Variants in MTUS1 observed in about 807,000 individuals in gnomAD.
MTUS1 encodes the protein microtubule-associated tumor suppressor 1.
A neutral mutation model predicts 120.8 loss-of-function variants in MTUS1; 109 were observed. The ratio of observed to expected loss-of-function variants is 0.90; its 90% CI spans 0.77 to 1.06. The LOEUF is 1.06. Among genes scored for constraint, MTUS1 ranks in the 50% least tolerant of loss-of-function variants. MTUS1 has a pLI of 0.00. For synonymous variants in MTUS1, 737 were observed against 550.5 expected (o/e 1.34, Z -4.74); for missense variants, 2,210 against 1,486.3 (o/e 1.49, Z -8.01).
rs1441729034 is a variant in MTUS1 at position 17,794,066 on chromosome 8, G to A, written c.-155+6995C>T. 8.5e-5 allele frequency among the ~76,000 whole-genome samples: 13 copies of A among 152,082 alleles called. No individual in the cohort carries two copies. In the East Asian group the frequency reaches 9.7e-4, roughly 11 times the overall value. On this transcript the variant is annotated intron_variant, in intron 1 of 14. Coordinates refer to ENST00000693296, the MANE Select transcript of MTUS1 (RefSeq NM_001363059.2). Reference sequence around the variant, plus strand: ...ACACAGGCCGGGCACAGTGGCTCACGTCTGTAGTCCCAGCACTTTGGGAGG... The same window carrying A: ...ACACAGGCCGGGCACAGTGGCTCACATCTGTAGTCCCAGCACTTTGGGAGG...
intron 14 of MTUS1, among the ~76,000 whole-genome samples, chr8:17,646,509 GC>G (rs1166062097): frequency 6.6e-6 from 1 of 152,138 alleles, no homozygotes; most frequent in Non-Finnish European, 1.5e-5. Context: ...GACTGCTCGA[GC>G]CTAGGAGGTG....
At chr8:17,670,762 A>G (rs7001283) in intron 8 of MTUS1, among the ~76,000 whole-genome samples, 6,214 of 152,034 alleles carry the variant, frequency 0.041, 422 homozygotes, top group African/African-American at 0.14. Context: ...GGCAGAGGTC[A>G]CAGTGAGCCG....
At chr8:17,762,109 G>C (rs757429100) in intron 1 of MTUS1, among the ~76,000 whole-genome samples, 1 of 152,008 alleles carries the variant, frequency 6.6e-6, no homozygotes, top group Non-Finnish European at 1.5e-5. Flanking sequence ...GTGAAACCCC[G>C]TCTCTACTAA....
chr8:17,667,898 G>C (rs565500380), intron 8 of MTUS1, among the ~76,000 whole-genome samples: 3 of 152,118 alleles, frequency 2.0e-5, no homozygotes, highest in African/African-American at 7.2e-5. Context: ...CCAAACACAC[G>C]ATGTTGTTAT....
At chr8:17,757,045 C>G (rs1018534233) in intron 1 of MTUS1, among the ~76,000 whole-genome samples, 17 of 152,260 alleles carry the variant, frequency 1.1e-4, no homozygotes, top group African/African-American at 4.1e-4. Context: ...TAAGAATCTA[C>G]TGAAGAAAAT....
intron 6 of MTUS1, among the ~76,000 whole-genome samples, chr8:17,703,573 G>A (rs1819537225): frequency 1.3e-5 from 2 of 150,486 alleles, no homozygotes; most frequent in Non-Finnish European, 2.9e-5. Context: ...AGCTTGCAGT[G>A]AGCCGAGATC....
chr8:17,680,261 T>G (rs1435181225), intron 7 of MTUS1, among the ~76,000 whole-genome samples: 1 of 151,774 alleles, frequency 6.6e-6, no homozygotes, highest in Non-Finnish European at 1.5e-5. Context: ...GTGAGGACTT[T>G]AAGACCAGCC....
At chr8:17,740,253 G>C (rs534318057) in intron 3 of MTUS1, among the ~76,000 whole-genome samples, 1 of 152,206 alleles carries the variant, frequency 6.6e-6, no homozygotes, top group East Asian at 1.9e-4. Flanking sequence ...AGCTGTGTTG[G>C]GTTTAATTAC....
intron 1 of MTUS1, among the ~76,000 whole-genome samples, chr8:17,782,582 A>G (rs2050953384): frequency 6.6e-6 from 1 of 152,236 alleles, no homozygotes; most frequent in Admixed American, 6.5e-5. Context: ...GGGAGAGTAC[A>G]TCCAAAAATA....
In MTUS1 at chr8:17,680,746, T is replaced by A. The variant is rs1814277725; in HGVS notation, c.2838+3582A>T. 2.6e-5 allele frequency among the ~76,000 whole-genome samples: 4 copies of A among 152,092 alleles called. No individual in the cohort carries two copies. The South Asian group carries it at 8.3e-4, about 32-fold the overall frequency. On this transcript the variant is annotated intron_variant, in intron 7 of 14. Coordinates refer to ENST00000693296, the MANE Select transcript of MTUS1 (RefSeq NM_001363059.2). ...GCTTGTGTTTAGAGGCCAGGTTGCA[T>A]GAGGGAAAAGTATCTTTAAACACTA... is the stretch of plus-strand genomic sequence containing the variant.
Position 17,687,930 on chromosome 8 carries a change from T to C in MTUS1, c.2624-3388A>G, listed in dbSNP as rs74646035. Among the ~76,000 whole-genome samples the C allele has an allele frequency of 6.3e-3, 960 of 152,284 alleles. 13 individuals are homozygous for C. The highest frequency in any genetic ancestry group is 0.02 in the African/African-American group (836 of 41,544). On this transcript the variant is annotated intron_variant, in intron 6 of 14. Transcript: ENST00000693296. Reference sequence around the variant, plus strand: ...CTCAGGCTCAAATCACTTAGGCAAATAGACCTCCAAATCCCAAGACCAAAA... The same window carrying C: ...CTCAGGCTCAAATCACTTAGGCAAACAGACCTCCAAATCCCAAGACCAAAA...
chr8:17,801,114 G>C (rs1455406039), upstream of MTUS1, among the ~76,000 whole-genome samples: 1 of 151,826 alleles, frequency 6.6e-6, no homozygotes, highest in African/African-American at 2.4e-5. Context: ...GGGAGGGCTG[G>C]CGCCCTTTGC....
At position 17,684,431 on chromosome 8, in the gene MTUS1, C is replaced by A; in HGVS notation, c.2735G>T (p.Cys912Phe). Reference sequence around the variant, plus strand: ...CAGGATAAATCCACTTTGGTTTTCACATTTTGTTTTATATTGCGTCAATTC... The same window carrying A: ...CAGGATAAATCCACTTTGGTTTTCAAATTTTGTTTTATATTGCGTCAATTC... Reference protein sequence around the residue: ...TLELTQYKTKCENQSGFILQL... With the variant: ...TLELTQYKTKFENQSGFILQL... Residue 912 changes from cysteine to phenylalanine, a missense_variant, in exon 7 of 15, where the codon TGT (cysteine) becomes TTT (phenylalanine). Coordinates refer to ENST00000693296, the MANE Select transcript of MTUS1 (RefSeq NM_001363059.2). 6.2e-7 allele frequency: 1 copy of A among 1,614,178 alleles called. No individual in the cohort carries two copies. The highest frequency in any genetic ancestry group is 8.5e-7 in the Non-Finnish European group (1 of 1,180,024).
chr8:17,645,422 TATC>T lies in MTUS1; in HGVS notation c.*501_*503del, dbSNP rs1805585075. The T allele has an allele frequency of 6.4e-6, 1 of 155,460 alleles. No individual in the cohort carries two copies. The highest frequency in any genetic ancestry group is 2.4e-5 in the African/African-American group (1 of 41,458). The allele number at this position is 155,460 out of a possible 1,614,324, so 9.6% of individuals were successfully genotyped here. ...GATTGATTATTATTTGATTAGTACA[TATC>T]CAGATATATTCAGATTTTGACATTT... is the stretch of plus-strand genomic sequence containing the variant. On this transcript the variant is annotated 3_prime_UTR_variant, in exon 15 of 15. Transcript: ENST00000693296.
intron 1 of MTUS1, among the ~76,000 whole-genome samples, chr8:17,756,834 T>C (rs7387035): frequency 0.79 from 120,659 of 151,946 alleles, 48,152 homozygotes; most frequent in South Asian, 0.87. Context: ...ATCCCCTCTC[T>C]CTACCAAATT....
intron 6 of MTUS1, among the ~76,000 whole-genome samples, chr8:17,704,692 G>A (rs75121234): frequency 1.1e-3 from 164 of 152,238 alleles, no homozygotes; most frequent in South Asian, 3.9e-3. Flanking sequence ...TTTAAAATCA[G>A]GAACTGTGAT....
At position 17,732,666 on chromosome 8, in the gene MTUS1, C is replaced by T. The variant is rs189652405; in HGVS notation, c.2288-8833G>A. On this transcript the variant is annotated intron_variant, in intron 3 of 14. Transcript: ENST00000693296. Reference sequence around the variant, plus strand: ...CCTCTTATCAATCATTTCTATGTAACTGAGTTTCAGATCTCCCCTTCCCAA... The same window carrying T: ...CCTCTTATCAATCATTTCTATGTAATTGAGTTTCAGATCTCCCCTTCCCAA... Among the ~76,000 whole-genome samples the T allele has an allele frequency of 1.4e-3, 217 of 152,288 alleles. 1 individual carries two copies. The highest frequency in any genetic ancestry group is 0.01 in the Middle Eastern group (3 of 294).
At chr8:17,701,135 C>T (rs1819000645) in intron 6 of MTUS1, among the ~76,000 whole-genome samples, 1 of 152,174 alleles carries the variant, frequency 6.6e-6, no homozygotes, top group African/African-American at 2.4e-5. Context: ...ATTCAAGCAT[C>T]TCTATCCAAC....
chr8:17,699,304 G>A (rs1818568268), intron 6 of MTUS1, among the ~76,000 whole-genome samples: 1 of 152,098 alleles, frequency 6.6e-6, no homozygotes, highest in Non-Finnish European at 1.5e-5. Context: ...TGCAATCTCT[G>A]CCTCCCGGGT....
Sources: gnomAD v4.1 joint callset for allele counts (sites outside exome capture counted in the v4.1 genomes callset) on GRCh38, gnomAD v4.1.1 for gene constraint, MANE v1.5 for transcripts, NCBI Gene and HGNC (gene_info 2026-07-23, HGNC 2026-07-21) for gene names.